A1CF: variants seen among roughly 807,000 people sequenced by gnomAD.
The protein encoded by A1CF is APOBEC1 complementation factor.
Under a neutral mutation model 68.9 loss-of-function variants are expected in A1CF, and 48 were observed. The observed-to-expected ratio is 0.70, with a 90% CI of 0.55 to 0.89. A1CF has a LOEUF of 0.89. Among genes scored for constraint, A1CF ranks in the 40% least tolerant of loss-of-function variants. A1CF has a pLI of 0.00. For synonymous variants in A1CF, 272 were observed against 260.4 expected (o/e 1.04, Z -0.43); for missense variants, 653 against 718.9 (o/e 0.91, Z 1.05).
chr10:50,824,313 C>T (rs1040937787), intron 7 of A1CF, among the ~76,000 whole-genome samples: 1 of 151,962 alleles, frequency 6.6e-6, no homozygotes, highest in African/African-American at 2.4e-5. Context: ...TAATCAGGGA[C>T]TAGGAAAGGA....
intron 3 of A1CF, among the ~76,000 whole-genome samples, chr10:50,853,539 A>G (rs1016459557): frequency 1.3e-5 from 2 of 152,086 alleles, no homozygotes; most frequent in Non-Finnish European, 2.9e-5. Context: ...AAAGGTAGAA[A>G]CATGTCTCTC....
intron 8 of A1CF, among the ~76,000 whole-genome samples, chr10:50,819,920 A>C (rs959262353): frequency 3.3e-5 from 5 of 152,180 alleles, no homozygotes; most frequent in African/African-American, 1.2e-4. Context: ...GAGTTTGTGT[A>C]GTTGTCTTAT....
chr10:50,811,081 G>C lies in A1CF; in HGVS notation c.1419C>G (p.Tyr473Ter), dbSNP rs1564493614. ...TGGCTAGAGCAGGAATAGTTATTTT[G>C]TACAAGAATAGCTGTCTTTGGTCTT... ...IGQDQRQLFL[Y>*]KITIPALASQ... Residue 473 changes from tyrosine (Y) to a stop codon, truncating the protein, a stop_gained, in exon 11 of 13, where the codon TAC becomes TAG. Transcript: ENST00000373997. LOFTEE classifies it high-confidence loss of function. 6.2e-7 allele frequency: 1 copy of C among 1,613,594 alleles called. No homozygotes were observed. The highest frequency in any genetic ancestry group is 1.3e-5 in the African/African-American group (1 of 75,048).
intron 5 of A1CF, among the ~76,000 whole-genome samples, chr10:50,840,289 T>TTA (rs1564514502): frequency 2.0e-5 from 3 of 151,900 alleles, no homozygotes; most frequent in Non-Finnish European, 4.4e-5. Flanking sequence ...TTTTTTTTTT[T>TTA]ATCATTTGTC....
chr10:50,828,276 T>A lies in A1CF; in HGVS notation c.624A>T (p.Gly208=). ...CTGCCCAGTCTACTGCAATACCATGTCCCCATAACTGAATTCTTCCTGTTG... is the reference window on the plus strand; with the variant it reads ...CTGCCCAGTCTACTGCAATACCATGACCCCATAACTGAATTCTTCCTGTTG... The part of the protein sequence containing the change: ...KLLPGRIQLW[G]HGIAVDWAEP... The change falls in exon 7 of 13, where the codon GGA becomes GGT. Residue 208 remains glycine, a synonymous_variant. Coordinates refer to ENST00000373997, the MANE Select transcript of A1CF (RefSeq NM_014576.4). 6.4e-7 allele frequency: 1 copy of A among 1,559,720 alleles called. No individual in the cohort carries two copies. Among genetic ancestry groups the A allele is most frequent in the Non-Finnish European group, 8.7e-7 (1 of 1,145,412 alleles).
At chr10:50,812,735 G>A (rs535411213) in intron 10 of A1CF, among the ~76,000 whole-genome samples, 2 of 152,138 alleles carry the variant, frequency 1.3e-5, no homozygotes, top group South Asian at 4.1e-4. Flanking sequence ...CCACTGGATT[G>A]CCATCTAATT....
At position 50,811,145 on chromosome 10, in the gene A1CF, C is replaced by A. The variant is rs758945266; in HGVS notation, c.1355G>T (p.Trp452Leu). The A allele has an allele frequency of 3.7e-6, 6 of 1,612,614 alleles. No homozygotes were observed. The East Asian group carries it at 1.3e-4, about 36-fold the overall frequency. ...ILEEICQKNN[W>L]GQPVYQLHSA... Reference sequence around the variant, plus strand: ...GTGCAGCTGGTACACTGGCTGTCCCCAGTTATTTTTCTGACAAATCTCTTC... The same window carrying A: ...GTGCAGCTGGTACACTGGCTGTCCCAAGTTATTTTTCTGACAAATCTCTTC... Residue 452 changes from tryptophan to leucine, a missense_variant, in exon 11 of 13, where the codon TGG becomes TTG. Trp to Leu is a moderately conservative substitution (Grantham distance 61). Coordinates refer to ENST00000373997, the MANE Select transcript of A1CF (RefSeq NM_014576.4).
chr10:50,810,127 A>C (rs1194197324), intron 11 of A1CF, 85 bp from the exon 12 acceptor site: 1 of 1,494,510 alleles, frequency 6.7e-7, no homozygotes, highest in Non-Finnish European at 9.2e-7. Flanking sequence ...CAGCTTTGTA[A>C]GATGACTGGA....
At chr10:50,811,315 A>G in intron 10 of A1CF, 139 bp from the exon 11 acceptor site, 1 of 805,686 alleles carries the variant, frequency 1.2e-6, no homozygotes, top group Non-Finnish European at 1.8e-6. Context: ...TTAATGACTC[A>G]TAAAATTTAA....
chr10:50,884,935 A>T (rs1043961471), intron 1 of A1CF, among the ~76,000 whole-genome samples: 1 of 152,250 alleles, frequency 6.6e-6, no homozygotes, highest in East Asian at 1.9e-4. Flanking sequence ...TGTGGAAACA[A>T]TATAATAATT....
rs991133168 is a variant in A1CF at position 50,800,184 on chromosome 10, C to T, written c.*6545G>A. On this transcript the variant is annotated 3_prime_UTR_variant, in exon 13 of 13. Coordinates refer to ENST00000373997, the MANE Select transcript of A1CF (RefSeq NM_014576.4). The stretch of plus-strand genomic sequence containing the variant: ...TTCAAGTAAATAAAATGTATAGGTA[C>T]CTGCTCATTAACATCATAAATCAGT... The T allele has an allele frequency of 1.6e-4, 24 of 152,124 alleles. No homozygotes were observed. The highest frequency in any genetic ancestry group is 4.8e-4 in the African/African-American group (20 of 41,530). The allele number at this position is 152,124 out of a possible 1,614,324, so 9.4% of individuals were successfully genotyped here. A position where few individuals can be genotyped will look rare whatever the true frequency, so the allele number is the denominator to read the frequency against.
At chr10:50,855,036 T>G (rs1032400489) in intron 3 of A1CF, among the ~76,000 whole-genome samples, 1 of 152,008 alleles carries the variant, frequency 6.6e-6, no homozygotes, top group Middle Eastern at 3.4e-3. Flanking sequence ...TTAGGTTTAG[T>G]TGCAATAGAA....
intron 5 of A1CF, among the ~76,000 whole-genome samples, chr10:50,838,876 T>C (rs908072051): frequency 1.3e-5 from 2 of 152,194 alleles, no homozygotes; most frequent in African/African-American, 4.8e-5. Context: ...TTACCTTGCT[T>C]CTGGCATCCA....
At chr10:50,849,776 T>A (rs1840149343) in intron 3 of A1CF, among the ~76,000 whole-genome samples, 1 of 150,874 alleles carries the variant, frequency 6.6e-6, no homozygotes, top group African/African-American at 2.4e-5. Context: ...GTGAGTTGAT[T>A]TAATGAATTC....
At chr10:50,841,465 C>G (rs989501094) in intron 5 of A1CF, among the ~76,000 whole-genome samples, 6 of 152,248 alleles carry the variant, frequency 3.9e-5, no homozygotes, top group African/African-American at 1.4e-4. Flanking sequence ...TTAAATACAC[C>G]AAATTAGAGT....
intron 9 of A1CF, among the ~76,000 whole-genome samples, chr10:50,815,054 T>C (rs779079370): frequency 4.3e-4 from 66 of 152,180 alleles, no homozygotes; most frequent in Admixed American, 1.3e-4. Context: ...CATAGTAAGA[T>C]AATTGTTTCC....
intron 3 of A1CF, among the ~76,000 whole-genome samples, chr10:50,859,108 A>G (rs1840619086): frequency 6.6e-6 from 1 of 152,192 alleles, no homozygotes; most frequent in Non-Finnish European, 1.5e-5. Flanking sequence ...TGTGAGTGAA[A>G]GAAAATAGCT....
intron 1 of A1CF, among the ~76,000 whole-genome samples, chr10:50,884,241 G>T (rs1169872618): frequency 6.6e-6 from 1 of 152,146 alleles, no homozygotes; most frequent in Non-Finnish European, 1.5e-5. Flanking sequence ...TATTTATAGT[G>T]TTTTAATATC....
chr10:50,822,350 G>GGGT (rs367658221), intron 7 of A1CF, among the ~76,000 whole-genome samples: 7 of 152,154 alleles, frequency 4.6e-5, no homozygotes, highest in African/African-American at 1.7e-4. Flanking sequence ...ACACTCACTT[G>GGGT]GGTGTACCTT....
Sources: gnomAD v4.1 joint callset for allele counts (sites outside exome capture counted in the v4.1 genomes callset) on GRCh38, gnomAD v4.1.1 for gene constraint, MANE v1.5 for transcripts, NCBI Gene and HGNC (gene_info 2026-07-23, HGNC 2026-07-21) for gene names.